Variants in RAB2A observed in about 807,000 individuals in gnomAD.
The protein encoded by RAB2A is ras-related protein Rab-2A.
A neutral mutation model predicts 32.5 loss-of-function variants in RAB2A; 7 were observed. That is an observed-to-expected ratio of 0.22 (90% CI 0.12 to 0.40). The LOEUF (loss-of-function observed/expected upper bound fraction) is 0.40, where lower values mean the gene tolerates loss of function less well. RAB2A is among the 10% of genes least tolerant of loss of function. RAB2A has a pLI of 1.00. For missense variants in RAB2A, 108 were observed against 260.7 expected (o/e 0.41, Z 4.03); for synonymous variants, 79 against 85.2 (o/e 0.93, Z 0.40).
intron 6 of RAB2A, among the ~76,000 whole-genome samples, chr8:60,608,128 T>A (rs1045098704): frequency 6.6e-6 from 1 of 152,160 alleles, no homozygotes; most frequent in African/African-American, 2.4e-5. Context: ...TTGGTATTTA[T>A]TTTTACTTTT....
chr8:60,596,838 A>G (rs1001720678), intron 6 of RAB2A, among the ~76,000 whole-genome samples: 2 of 152,072 alleles, frequency 1.3e-5, no homozygotes, highest in African/African-American at 4.8e-5. Flanking sequence ...GGAGAATGGC[A>G]TGAACCCAGG....
At chr8:60,558,985 T>C (rs1385488578) in intron 2 of RAB2A, 62 bp downstream of exon 2, 3 of 1,230,730 alleles carry the variant, frequency 2.4e-6, no homozygotes, top group Non-Finnish European at 3.6e-6. Context: ...TGGAAAATGC[T>C]AGAAGGTCCA....
At chr8:60,596,698 G>A (rs570798542) in intron 6 of RAB2A, among the ~76,000 whole-genome samples, 15 of 152,190 alleles carry the variant, frequency 9.9e-5, no homozygotes, top group East Asian at 7.7e-4. Flanking sequence ...TGAGGTGGGC[G>A]GATCACAAGG....
intron 6 of RAB2A, among the ~76,000 whole-genome samples, chr8:60,598,865 G>A (rs1804076468): frequency 7.7e-6 from 1 of 129,150 alleles, no homozygotes; most frequent in South Asian, 2.7e-4. Flanking sequence ...CCTTAGATTA[G>A]GAACAAAGCA....
intron 6 of RAB2A, among the ~76,000 whole-genome samples, chr8:60,617,332 G>A (rs1481800871): frequency 1.3e-5 from 2 of 151,960 alleles, no homozygotes; most frequent in Admixed American, 6.6e-5. Context: ...TCTCTTTATC[G>A]TAAGCGTCCT....
At chr8:60,545,826 GT>G (rs1264632853) in intron 1 of RAB2A, among the ~76,000 whole-genome samples, 6 of 152,094 alleles carry the variant, frequency 3.9e-5, no homozygotes, top group African/African-American at 1.4e-4. Context: ...AAAAAACAAT[GT>G]TTTGCACATC....
At position 60,548,784 on chromosome 8, in the gene RAB2A, C is replaced by G. The variant is rs1246795099; in HGVS notation, c.47-10068C>G. On this transcript the variant is annotated intron_variant, in intron 1 of 7. Transcript: ENST00000262646. ...GGGCGGGGGGCTGATCCCCCCACCT[C>G]CCTCCCAGACGGGGCGGCTGGCCGG... is the stretch of plus-strand genomic sequence containing the variant. Among the ~76,000 whole-genome samples, 68 of 139,882 alleles carry G rather than the reference C, an allele frequency of 4.9e-4. 1 individual carries two copies. Among genetic ancestry groups the G allele is most frequent in the Middle Eastern group, 4.5e-3 (1 of 224 alleles). The allele number at this position is 139,882 out of a possible 152,430, so 91.8% of individuals were successfully genotyped here. A position where few individuals can be genotyped will look rare whatever the true frequency, so the allele number is the denominator to read the frequency against.
At position 60,591,919 on chromosome 8, in the gene RAB2A, G is replaced by A; in HGVS notation, c.424G>A (p.Gly142Arg). ...AGGTGAAGCTTTTGCACGAGAACAT[G>A]GACTCATCTTCATGGAAACGTCTGC... ...EEGEAFAREH[G>R]LIFMETSAKT... Residue 142 changes from glycine to arginine, a missense_variant, in exon 6 of 8, where the codon GGA (glycine) becomes AGA (arginine). Gly to Arg is a moderately radical substitution (Grantham distance 125, BLOSUM62 -2). Coordinates refer to ENST00000262646, the MANE Select transcript of RAB2A (RefSeq NM_002865.3). The A allele has an allele frequency of 6.2e-7, 1 of 1,612,904 alleles. No individual in the cohort carries two copies. The highest frequency in any genetic ancestry group is 8.5e-7 in the Non-Finnish European group (1 of 1,179,220).
chr8:60,549,259 A>G (rs1182272634), intron 1 of RAB2A, among the ~76,000 whole-genome samples: 6 of 152,310 alleles, frequency 3.9e-5, no homozygotes, highest in East Asian at 3.9e-4. Context: ...AGAGGCTGCA[A>G]TCTTGGCACT....
At chr8:60,535,774 A>C (rs1683790443) in intron 1 of RAB2A, among the ~76,000 whole-genome samples, 1 of 152,224 alleles carries the variant, frequency 6.6e-6, no homozygotes, top group Admixed American at 6.5e-5. Context: ...TGCTGGATGC[A>C]TACCACTGGC....
At chr8:60,574,484 G>A (rs756882135) in intron 3 of RAB2A, among the ~76,000 whole-genome samples, 13 of 152,154 alleles carry the variant, frequency 8.5e-5, no homozygotes, top group Admixed American at 4.6e-4. Context: ...AAAGTACATC[G>A]TTTTGAAAAG....
chr8:60,548,681 G>A (rs1237650864), intron 1 of RAB2A, among the ~76,000 whole-genome samples: 3 of 145,620 alleles, frequency 2.1e-5, no homozygotes, highest in African/African-American at 7.7e-5. Context: ...GTGGCTGGCC[G>A]GGCAGAGGGG....
chr8:60,617,631 A>C lies in RAB2A; in HGVS notation c.475-949A>C, dbSNP rs112104315. On this transcript the variant is annotated intron_variant, in intron 6 of 7. Transcript: ENST00000262646. ...TGTGGCAGCACACACCTGTAGTCCC[A>C]GCTACTCAGGAGGCTGAAGTGAGAG... is the stretch of plus-strand genomic sequence containing the variant. Among the ~76,000 whole-genome samples the C allele has an allele frequency of 2.3e-3, 350 of 152,294 alleles. 2 individuals carry two copies. Among genetic ancestry groups the C allele is most frequent in the African/African-American group, 7.9e-3 (328 of 41,560 alleles).
At chr8:60,521,680 G>A (rs953452188) in intron 1 of RAB2A, among the ~76,000 whole-genome samples, 1 of 152,136 alleles carries the variant, frequency 6.6e-6, no homozygotes, top group Admixed American at 6.6e-5. Context: ...GAGTGCAGTG[G>A]CGCCATCTGG....
chr8:60,619,825 C>G (rs1804501595), intron 7 of RAB2A, among the ~76,000 whole-genome samples: 1 of 152,218 alleles, frequency 6.6e-6, no homozygotes, highest in African/African-American at 2.4e-5. Context: ...TTTATTTGGC[C>G]TAATGCCAAG....
intron 3 of RAB2A, among the ~76,000 whole-genome samples, chr8:60,578,327 C>T (rs1341438001): frequency 6.6e-6 from 1 of 152,114 alleles, no homozygotes; most frequent in African/African-American, 2.4e-5. Context: ...ACCAAATGAC[C>T]ACATGAAAGT....
At position 60,621,431 on chromosome 8, in the gene RAB2A, T is replaced by C. The variant is rs1288733771; in HGVS notation, c.*662T>C. ...TGTCACTAGTCCAAGAAAAATATGC[T>C]TAATGTATATTACAAAGGCTTTGTA... On this transcript the variant is annotated 3_prime_UTR_variant, in exon 8 of 8. Transcript: ENST00000262646. 1 of 152,242 alleles carries C rather than the reference T, an allele frequency of 6.6e-6. No homozygotes were observed. The highest frequency in any genetic ancestry group is 2.4e-5 in the African/African-American group (1 of 41,464). 9.4% of individuals were successfully genotyped at this position (152,242 alleles called of 1,614,324 possible).
chr8:60,565,093 T>A (rs928392844), intron 2 of RAB2A, among the ~76,000 whole-genome samples: 1 of 152,228 alleles, frequency 6.6e-6, no homozygotes, highest in Admixed American at 6.5e-5. Context: ...TGATTTCACC[T>A]TCTTACCTAT....
At chr8:60,600,876 G>A (rs1414350016) in intron 6 of RAB2A, among the ~76,000 whole-genome samples, 1 of 152,138 alleles carries the variant, frequency 6.6e-6, no homozygotes, top group Admixed American at 6.5e-5. Context: ...AAAAATTTTT[G>A]TAACAATGTA....
Sources: allele counts gnomAD v4.1 joint callset (sites outside exome capture counted in the v4.1 genomes callset), GRCh38; gene constraint gnomAD v4.1.1; transcripts MANE v1.5; gene names NCBI Gene and HGNC (gene_info 2026-07-23, HGNC 2026-07-21).